CXCR6: variants seen among roughly 807,000 people sequenced by gnomAD.
CXCR6 encodes C-X-C chemokine receptor type 6.
Under a neutral mutation model 1.6 loss-of-function variants are expected in CXCR6, and 3 were observed. The observed-to-expected ratio is 1.83, with a 90% CI of 0.83 to 4.72. The LOEUF is 4.72. Among genes scored for constraint, CXCR6 ranks in the 30% most tolerant of loss-of-function variants. The pLI, the probability that CXCR6 is intolerant of heterozygous loss-of-function variation, is 0.02. For synonymous variants in CXCR6, 171 were observed against 159.2 expected, an observed-to-expected ratio of 1.07 and a Z score of -0.56; for missense variants, 326 against 414.8, an observed-to-expected ratio of 0.79 and a Z score of 1.86.
upstream of CXCR6, among the ~76,000 whole-genome samples, chr3:45,941,502 C>T (rs918088977): frequency 1.3e-5 from 2 of 152,148 alleles, no homozygotes; most frequent in Non-Finnish European, 1.5e-5. Context: ...AAACAATTAA[C>T]ACTATAAATT....
chr3:45,947,610 CAT>C lies in CXCR6; in HGVS notation c.*101_*102del. The C allele has an allele frequency of 1.1e-6, 1 of 896,652 alleles. No individual in the cohort carries two copies. The highest frequency in any genetic ancestry group is 1.8e-6 in the Non-Finnish European group (1 of 569,046). The allele number at this position is 896,652 out of a possible 1,614,324, so 55.5% of individuals were successfully genotyped here. A position where few individuals can be genotyped will look rare whatever the true frequency, so the allele number is the denominator to read the frequency against. ...GCTTTGTTTATAGCTTGCGCATTCT[CAT>C]GGAGAAGTTATCAGACACTCTGGCT... On this transcript the variant is annotated 3_prime_UTR_variant, in exon 2 of 2. Coordinates refer to ENST00000304552, the MANE Select transcript of CXCR6 (RefSeq NM_006564.2).
At chr3:45,942,913 T>G (rs1442213139), upstream of CXCR6, among the ~76,000 whole-genome samples, 1 of 152,190 alleles carries the variant, frequency 6.6e-6, no homozygotes, top group African/African-American at 2.4e-5. Flanking sequence ...TGTTGATTGG[T>G]CTGGTAATGA....
chr3:45,942,574 A>G (rs2125815320), upstream of CXCR6, among the ~76,000 whole-genome samples: 1 of 152,348 alleles, frequency 6.6e-6, no homozygotes, highest in South Asian at 2.1e-4. Context: ...GAAAGCAGAC[A>G]TCGAGTCCAT....
chr3:45,946,293 C>T, intron 1 of CXCR6, 168 bp from the exon 2 acceptor site: 1 of 573,472 alleles, frequency 1.7e-6, no homozygotes, highest in Non-Finnish European at 3.1e-6. Context: ...AGCAATTTCC[C>T]CTCAGAATTG....
rs1263953089 is a variant in CXCR6, at chr3:45,947,121, A to G, written c.640A>G (p.Ile214Val). ...CACCATGATTGTCTGCTATTCAGTC[A>G]TAATCAAAACACTGCTTCATGCTGG... ...LLTMIVCYSV[I>V]IKTLLHAGGF... is the part of the protein sequence containing the mutation. Residue 214 changes from isoleucine (I) to valine (V), a missense_variant, in exon 2 of 2, where the codon ATA becomes GTA. By Grantham distance (29) the Ile-to-Val change is conservative. Transcript: ENST00000304552. The G allele has an allele frequency of 6.2e-7, 1 of 1,614,242 alleles. No homozygotes were observed. Among genetic ancestry groups the G allele is most frequent in the South Asian group, 1.1e-5 (1 of 91,090 alleles).
At position 45,947,469 on chromosome 3, in the gene CXCR6, G is replaced by T; in HGVS notation, c.988G>T (p.Ala330Ser). ...SSEDNSKTFS[A>S]SHNVEATSMF... ...TGAGGACAATTCCAAGACTTTTTCT[G>T]CCTCCCACAATGTGGAGGCCACCAG... Residue 330 changes from alanine to serine, a missense_variant, in exon 2 of 2, where the codon GCC becomes TCC. Coordinates refer to ENST00000304552, the MANE Select transcript of CXCR6 (RefSeq NM_006564.2). The T allele has an allele frequency of 1.9e-6, 3 of 1,614,194 alleles. No homozygotes were observed. Among genetic ancestry groups the T allele is most frequent in the Non-Finnish European group, 2.5e-6 (3 of 1,180,018 alleles).
In CXCR6 at chr3:45,947,303, G is replaced by A. The variant is rs372831654; in HGVS notation, c.822G>A (p.Glu274=). 4 of 1,614,036 alleles carry A rather than the reference G, an allele frequency of 2.5e-6. No homozygotes were observed. The highest frequency in any genetic ancestry group is 1.3e-5 in the African/African-American group (1 of 74,934). Residue 274 remains glutamate (E), a synonymous_variant, in exon 2 of 2, where the codon GAG becomes GAA. Transcript: ENST00000304552. Reference sequence around the variant, plus strand: ...TTCACTACACCATCATGGTGACAGAGGCCATCGCATACCTGAGGGCCTGCC... The same window carrying A: ...TTCACTACACCATCATGGTGACAGAAGCCATCGCATACCTGAGGGCCTGCC... ...TSFHYTIMVT[E]AIAYLRACLN...
chr3:45,943,190 A>G (rs2125816408), upstream of CXCR6, among the ~76,000 whole-genome samples: 1 of 152,360 alleles, frequency 6.6e-6, no homozygotes, highest in South Asian at 2.1e-4. Context: ...TTAAGGTACA[A>G]ATGCCACCAT....
In CXCR6 at chr3:45,947,552, T is replaced by G. The variant is rs2234358; in HGVS notation, c.*42T>G. The G allele has an allele frequency of 0.52, 783,473 of 1,499,736 alleles. 209,726 individuals are homozygous for G. The highest frequency in any genetic ancestry group is 0.7 in the South Asian group (60,451 of 86,518). The allele number at this position is 1,499,736 out of a possible 1,614,324, so 92.9% of individuals were successfully genotyped here. On this transcript the variant is annotated 3_prime_UTR_variant, in exon 2 of 2. Coordinates refer to ENST00000304552, the MANE Select transcript of CXCR6 (RefSeq NM_006564.2). ...GAGAAGCTGCTCTGGAATTTGCAAG[T>G]CATGGCTGTGCCCTCTTGATGTGGT...
At position 45,946,661 on chromosome 3, in the gene CXCR6, T is replaced by C; in HGVS notation, c.180T>C (p.His60=). Residue 60 remains histidine, a synonymous_variant, in exon 2 of 2, where the codon CAT becomes CAC. Coordinates refer to ENST00000304552, the MANE Select transcript of CXCR6 (RefSeq NM_006564.2). ...TGCTGGTCATATCCATCTTCTACCATAAGTTGCAGAGCCTGACGGATGTGT... is the reference window on the plus strand; with the variant it reads ...TGCTGGTCATATCCATCTTCTACCACAAGTTGCAGAGCCTGACGGATGTGT... The part of the protein sequence containing the change: ...SLVLVISIFY[H]KLQSLTDVFL... 6.2e-7 allele frequency: 1 copy of C among 1,614,190 alleles called. No individual in the cohort carries two copies. The highest frequency in any genetic ancestry group is 8.5e-7 in the Non-Finnish European group (1 of 1,180,022).
At chr3:45,942,159 A>C (rs142022365), upstream of CXCR6, among the ~76,000 whole-genome samples, 61 of 152,352 alleles carry the variant, frequency 4.0e-4, 2 homozygotes, top group East Asian at 0.012. Flanking sequence ...ATCTTTTATC[A>C]GGGCCCCCTG....
chr3:45,946,514 G>A lies in CXCR6; in HGVS notation c.33G>A (p.Gly11=), dbSNP rs1704618239. Residue 11 remains glycine (G), a synonymous_variant, in exon 2 of 2, where the codon GGG becomes GGA. Transcript: ENST00000304552. MAEHDYHEDY[G]FSSFNDSSQE... ...AGCATGATTACCATGAAGACTATGG[G>A]TTCAGCAGTTTCAATGACAGCAGCC... is the stretch of plus-strand genomic sequence containing the variant. 1 of 1,613,994 alleles carries A rather than the reference G, an allele frequency of 6.2e-7. No homozygotes were observed.
chr3:45,941,774 C>T (rs1280320836), upstream of CXCR6, among the ~76,000 whole-genome samples: 2 of 152,212 alleles, frequency 1.3e-5, no homozygotes, highest in Non-Finnish European at 2.9e-5. Flanking sequence ...AAAGCATGGC[C>T]AAGGGTGCTT....
rs576262442 is a variant in CXCR6 at position 45,946,826 on chromosome 3, G to A, written c.345G>A (p.Thr115=). 459 of 1,614,148 alleles carry A rather than the reference G, an allele frequency of 2.8e-4. 4 individuals are homozygous for A. The South Asian group carries it at 4.5e-3, about 16-fold the overall frequency. The change falls in exon 2 of 2, where the codon ACG becomes ACA. Residue 115 remains threonine (T), a synonymous_variant. Transcript: ENST00000304552. Reference sequence around the variant, plus strand: ...GCATCTACACTATTAACTTCTACACGTCCATGCTCATCCTCACCTGCATCA... The same window carrying A: ...GCATCTACACTATTAACTTCTACACATCCATGCTCATCCTCACCTGCATCA... The part of the protein sequence containing the change: ...LLGIYTINFY[T]SMLILTCITV...
chr3:45,941,709 G>A (rs1469544866), upstream of CXCR6, among the ~76,000 whole-genome samples: 2 of 152,194 alleles, frequency 1.3e-5, no homozygotes, highest in Non-Finnish European at 2.9e-5. Flanking sequence ...CACAGTCATG[G>A]AGGGCCCCAG....
chr3:45,942,753 A>G (rs1200849143), upstream of CXCR6, among the ~76,000 whole-genome samples: 1 of 152,168 alleles, frequency 6.6e-6, no homozygotes, highest in Non-Finnish European at 1.5e-5. Context: ...ACATCTGGGG[A>G]ATTCCAGGAG....
chr3:45,946,934 C>A lies in CXCR6; in HGVS notation c.453C>A (p.Thr151=), dbSNP rs1704653914. The A allele has an allele frequency of 6.2e-7, 1 of 1,614,096 alleles. No individual in the cohort carries two copies. Among genetic ancestry groups the A allele is most frequent in the Non-Finnish European group, 8.5e-7 (1 of 1,180,026 alleles). The change falls in exon 2 of 2, where the codon ACC becomes ACA. Residue 151 remains threonine (T), a synonymous_variant. Coordinates refer to ENST00000304552, the MANE Select transcript of CXCR6 (RefSeq NM_006564.2). ...QAKRMTWGKV[T]SLLIWVISLL... is the part of the protein sequence containing the mutation. ...AGAGGATGACCTGGGGCAAGGTCAC[C>A]AGCTTGCTCATCTGGGTGATATCCC...
At chr3:45,942,009 C>A (rs1329992975), upstream of CXCR6, among the ~76,000 whole-genome samples, 1 of 152,256 alleles carries the variant, frequency 6.6e-6, no homozygotes, top group Non-Finnish European at 1.5e-5. Flanking sequence ...CTACATCCAT[C>A]TGTCCATCGG....
At position 45,946,767 on chromosome 3, in the gene CXCR6, G is replaced by A. The variant is rs1704637332; in HGVS notation, c.286G>A (p.Val96Met). Reference protein sequence around the residue: ...FWAYAGIHEWVFGQVMCKSLL... With the variant: ...FWAYAGIHEWMFGQVMCKSLL... ...GGCCTATGCAGGCATCCATGAATGG[G>A]TGTTTGGCCAGGTCATGTGCAAGAG... is the stretch of plus-strand genomic sequence containing the variant. Residue 96 changes from valine (V) to methionine (M), a missense_variant, in exon 2 of 2, where the codon GTG (valine) becomes ATG (methionine). Coordinates refer to ENST00000304552, the MANE Select transcript of CXCR6 (RefSeq NM_006564.2). The A allele has an allele frequency of 1.2e-6, 2 of 1,614,080 alleles. No individual in the cohort carries two copies. Among genetic ancestry groups the A allele is most frequent in the South Asian group, 1.1e-5 (1 of 91,084 alleles).
Sources: allele counts gnomAD v4.1 joint callset (sites outside exome capture counted in the v4.1 genomes callset), GRCh38; gene constraint gnomAD v4.1.1; transcripts MANE v1.5; gene names NCBI Gene and HGNC (gene_info 2026-07-23, HGNC 2026-07-21).